The following FBXW10B variants were observed in gnomAD, a reference collection of about 807,000 sequenced individuals.
The protein encoded by FBXW10B is F-box and WD repeat domain containing protein 10B.
the FBXW10B span, chr17:15,615,925 C>G: frequency 6.9e-7 from 1 of 1,442,510 alleles, no homozygotes; most frequent in Admixed American, 2.6e-5. Context: ...ACAGAATGGA[C>G]CAGAGCAGTT....
chr17:15,567,271 C>CA, the FBXW10B span, among the ~76,000 whole-genome samples: 864 of 119,066 alleles, frequency 7.3e-3, 4 homozygotes, highest in East Asian at 0.025. Flanking sequence ...GACTCCATCT[C>CA]AAAAAAAAAA....
the FBXW10B span, among the ~76,000 whole-genome samples, chr17:15,570,021 A>G: frequency 6.6e-6 from 1 of 152,208 alleles, no homozygotes; most frequent in Non-Finnish European, 1.5e-5. Flanking sequence ...CACCATTTTC[A>G]ATACTATATT....
At chr17:15,618,850 G>A in the FBXW10B span, 76 of 985,208 alleles carry the variant, frequency 7.7e-5, no homozygotes, top group East Asian at 1.1e-4. Flanking sequence ...AAACAGGATC[G>A]GGTGTCAGGA....
chr17:15,589,506 T>G, the FBXW10B span, among the ~76,000 whole-genome samples: 3,262 of 151,260 alleles, frequency 0.022, 129 homozygotes, highest in African/African-American at 0.077. Context: ...CGTTCCCCTC[T>G]TATGAAAGGG....
chr17:15,588,496 A>C, the FBXW10B span: 1 of 225,976 alleles, frequency 4.4e-6, no homozygotes, highest in African/African-American at 2.5e-5. Context: ...TCAGTCTTCA[A>C]CCCTAGGAGG....
At chr17:15,602,077 A>C in the FBXW10B span, among the ~76,000 whole-genome samples, 1 of 151,038 alleles carries the variant, frequency 6.6e-6, no homozygotes, top group Non-Finnish European at 1.5e-5. Context: ...GCACCACTGC[A>C]CTCTAGCCTG....
the FBXW10B span, chr17:15,615,683 G>A: frequency 1.9e-6 from 3 of 1,613,712 alleles, no homozygotes; most frequent in Admixed American, 1.7e-5. Flanking sequence ...TTCATTTTCT[G>A]GGGCTTTGGA....
the FBXW10B span, among the ~76,000 whole-genome samples, chr17:15,599,669 A>T: frequency 2.0e-5 from 3 of 151,370 alleles, no homozygotes; most frequent in Admixed American, 6.6e-5. Flanking sequence ...CATATCTAAG[A>T]GATAGATGGG....
chr17:15,594,747 C>T, the FBXW10B span: 7 of 1,613,786 alleles, frequency 4.3e-6, no homozygotes, highest in Admixed American at 3.3e-5. Flanking sequence ...CAGGCACCTA[C>T]TTGGGATGCT....
the FBXW10B span, chr17:15,605,433 A>G: frequency 4.0e-6 from 6 of 1,488,060 alleles, no homozygotes; most frequent in East Asian, 7.3e-5. Flanking sequence ...CCTGAGTGCC[A>G]GGGGAAAAGG....
chr17:15,583,449 C>G, the FBXW10B span, among the ~76,000 whole-genome samples: 1 of 148,724 alleles, frequency 6.7e-6, no homozygotes, highest in African/African-American at 2.4e-5. Flanking sequence ...TGGCCACGAA[C>G]TGACCACCAC....
the FBXW10B span, among the ~76,000 whole-genome samples, chr17:15,612,325 G>A: frequency 2.0e-5 from 3 of 151,800 alleles, no homozygotes; most frequent in East Asian, 3.9e-4. Context: ...GGCTAACACG[G>A]TGAAACCCCG....
the FBXW10B span, among the ~76,000 whole-genome samples, chr17:15,608,546 C>G: frequency 6.6e-6 from 1 of 151,928 alleles, no homozygotes. Flanking sequence ...CTCCGCCTCC[C>G]GAGTTCAGGC....
chr17:15,595,430 A>G, the FBXW10B span, among the ~76,000 whole-genome samples: 1 of 152,206 alleles, frequency 6.6e-6, no homozygotes, highest in Non-Finnish European at 1.5e-5. Context: ...CTCTCGGGTT[A>G]AGGAGGAATG....
chr17:15,571,973 G>GC, the FBXW10B span: 1 of 151,804 alleles, frequency 6.6e-6, no homozygotes. Flanking sequence ...GCGGTGGGGG[G>GC]AGGGGTGCGG....
At chr17:15,593,486 G>A in the FBXW10B span, 24 of 1,614,022 alleles carry the variant, frequency 1.5e-5, no homozygotes, top group South Asian at 8.8e-5. Flanking sequence ...GGGACACGTC[G>A]AGCACCTCTC....
the FBXW10B span, among the ~76,000 whole-genome samples, chr17:15,595,916 C>T: frequency 3.8e-5 from 4 of 106,324 alleles, no homozygotes; most frequent in African/African-American, 1.1e-4. Context: ...GAATGCAATA[C>T]TCTTTTTTTT....
chr17:15,593,431 G>A, the FBXW10B span: 277 of 1,614,074 alleles, frequency 1.7e-4, 1 homozygote, highest in African/African-American at 2.6e-3. Context: ...TTGTAAATTC[G>A]GATCTTGCCA....
At chr17:15,602,729 G>A in the FBXW10B span, among the ~76,000 whole-genome samples, 2 of 111,720 alleles carry the variant, frequency 1.8e-5, no homozygotes, top group South Asian at 3.2e-4. Context: ...TGGGGTTCAC[G>A]CCATTCTCCT....
Sources: gnomAD v4.1 joint callset for allele counts (sites outside exome capture counted in the v4.1 genomes callset) on GRCh38, gnomAD v4.1.1 for gene constraint, MANE v1.5 for transcripts, NCBI Gene and HGNC (gene_info 2026-07-23, HGNC 2026-07-21) for gene names.